Variants in TENM3 observed in about 807,000 individuals in gnomAD.
TENM3 encodes teneurin transmembrane protein 3, also known as teneurin-3.
A neutral mutation model predicts 255.1 loss-of-function variants in TENM3; 63 were observed. The observed-to-expected ratio is 0.25, with a 90% confidence interval of 0.20 to 0.30. TENM3 has a LOEUF of 0.30. Among genes scored for constraint, TENM3 ranks in the 10% least tolerant of loss-of-function variants. The pLI is 1.00. For missense variants in TENM3, 2,929 were observed against 3,461.1 expected, an observed-to-expected ratio of 0.85 and a Z score of 3.86; for synonymous variants, 1,306 against 1,322.3, an observed-to-expected ratio of 0.99 and a Z score of 0.27.
the TENM3 span, among the ~76,000 whole-genome samples, chr4:181,507,976 T>A: frequency 2.0e-5 from 3 of 152,178 alleles, no homozygotes; most frequent in Non-Finnish European, 4.4e-5. Flanking sequence ...AAGAAATAGA[T>A]CTTTCTGAAG....
In TENM3 at chr4:182,682,033, G is replaced by A. The variant is rs748620540; in HGVS notation, c.2035+19G>A. ...TCAAACGGTGAGGTTAATAAATGCA[G>A]TACAATCGAGTTGCTTAATACTGTT... On this transcript the variant is annotated intron_variant, in intron 11 of 27. Coordinates refer to ENST00000511685, the MANE Select transcript of TENM3 (RefSeq NM_001080477.4). 1 of 1,602,858 alleles carries A rather than the reference G, an allele frequency of 6.2e-7. No individual in the cohort carries two copies. Among genetic ancestry groups the A allele is most frequent in the Non-Finnish European group, 8.5e-7 (1 of 1,170,620 alleles).
chr4:182,419,005 A>G (rs1770595186), intron 3 of TENM3, among the ~76,000 whole-genome samples: 1 of 152,202 alleles, frequency 6.6e-6, no homozygotes, highest in African/African-American at 2.4e-5. Flanking sequence ...AGAAGATGAT[A>G]AAAATGGTTT....
At chr4:181,627,334 ATTTCT>A in the TENM3 span, among the ~76,000 whole-genome samples, 6 of 152,020 alleles carry the variant, frequency 3.9e-5, no homozygotes, top group East Asian at 9.6e-4. Context: ...GTGTGCACAC[ATTTCT>A]TTTTATTTTT....
At chr4:182,077,989 CA>C in the TENM3 span, among the ~76,000 whole-genome samples, 2 of 152,068 alleles carry the variant, frequency 1.3e-5, no homozygotes, top group Admixed American at 6.6e-5. Flanking sequence ...TTACAACAAG[CA>C]AAAACTGGTA....
At chr4:182,574,089 A>AT (rs1744683220) in intron 3 of TENM3, among the ~76,000 whole-genome samples, 2 of 152,144 alleles carry the variant, frequency 1.3e-5, no homozygotes, top group Admixed American at 6.5e-5. Flanking sequence ...TGCCTTCTCC[A>AT]TTCATGACTC....
the TENM3 span, among the ~76,000 whole-genome samples, chr4:182,115,641 T>C: frequency 6.6e-6 from 1 of 152,312 alleles, no homozygotes; most frequent in South Asian, 2.1e-4. Context: ...GTTTTCCATG[T>C]AAAAATTTTC....
chr4:181,830,592 C>T, the TENM3 span, among the ~76,000 whole-genome samples: 2 of 152,210 alleles, frequency 1.3e-5, no homozygotes, highest in South Asian at 4.2e-4. Context: ...TTCTTCTGCT[C>T]GGTCTCTCTA....
chr4:182,254,373 G>A, intron 1 of TENM3, among the ~76,000 whole-genome samples: 1 of 149,904 alleles, frequency 6.7e-6, no homozygotes. Flanking sequence ...AAACATGATA[G>A]AAAAGAAATT....
intron 8 of TENM3, 151 bp from the exon 9 acceptor site, chr4:182,680,097 C>T (rs1322921942): frequency 2.7e-6 from 2 of 731,670 alleles, no homozygotes; most frequent in Non-Finnish European, 4.6e-6. Flanking sequence ...GAGAATATGT[C>T]ATGAAACACT....
At chr4:182,028,838 T>C in the TENM3 span, among the ~76,000 whole-genome samples, 1 of 151,806 alleles carries the variant, frequency 6.6e-6, no homozygotes, top group African/African-American at 2.4e-5. Context: ...TTTTAAATAT[T>C]TTAAGACTTG....
At chr4:181,780,087 C>T in the TENM3 span, among the ~76,000 whole-genome samples, 348 of 152,298 alleles carry the variant, frequency 2.3e-3, no homozygotes, top group Non-Finnish European at 4.0e-3. Flanking sequence ...AATAGTGCTG[C>T]AATGAACATA....
chr4:182,124,957 G>A, the TENM3 span, among the ~76,000 whole-genome samples: 80 of 141,738 alleles, frequency 5.6e-4, 1 homozygote, highest in African/African-American at 2.1e-3. Context: ...CTGCTGGGAT[G>A]GTGAATCTTC....
At chr4:181,605,584 GGAAAGAAAGAAA>G in the TENM3 span, among the ~76,000 whole-genome samples, 23 of 69,194 alleles carry the variant, frequency 3.3e-4, 2 homozygotes, top group East Asian at 8.0e-4. Flanking sequence ...GAGAAAGAAA[GGAAAGAAAGAAA>G]GAAAGAAAGA....
chr4:181,738,921 CCT>C, the TENM3 span, among the ~76,000 whole-genome samples: 1,971 of 152,106 alleles, frequency 0.013, 29 homozygotes, highest in Middle Eastern at 0.082. Flanking sequence ...AGGAGAACAG[CCT>C]CTCTCAAGCA....
At chr4:182,553,106 A>G (rs1742220083) in intron 3 of TENM3, among the ~76,000 whole-genome samples, 1 of 151,972 alleles carries the variant, frequency 6.6e-6, no homozygotes, top group South Asian at 2.1e-4. Context: ...ACTTTTTTAG[A>G]CAGGGTCTCA....
chr4:182,707,433 G>A (rs6841510), intron 12 of TENM3, among the ~76,000 whole-genome samples: 40,151 of 151,934 alleles, frequency 0.26, 5,921 homozygotes, highest in Non-Finnish European at 0.34. Context: ...ATCACTAAGG[G>A]GTGCAGAAAA....
the TENM3 span, among the ~76,000 whole-genome samples, chr4:182,090,919 A>G: frequency 6.6e-6 from 1 of 152,308 alleles, no homozygotes; most frequent in Non-Finnish European, 1.5e-5. Context: ...TGATCTTCTA[A>G]TCCCTCTGTC....
chr4:182,160,943 TA>T (rs993505830), intron 1 of TENM3, among the ~76,000 whole-genome samples: 16 of 152,164 alleles, frequency 1.1e-4, no homozygotes, highest in Non-Finnish European at 2.1e-4. Flanking sequence ...ACCCCATAGA[TA>T]TATACACTTG....
chr4:181,482,527 A>T, the TENM3 span, among the ~76,000 whole-genome samples: 5 of 152,138 alleles, frequency 3.3e-5, no homozygotes, highest in African/African-American at 1.2e-4. Flanking sequence ...GATATGTATG[A>T]TTCTTCCAAA....
Sources: gnomAD v4.1 joint callset for allele counts (sites outside exome capture counted in the v4.1 genomes callset) on GRCh38, gnomAD v4.1.1 for gene constraint, MANE v1.5 for transcripts, NCBI Gene and HGNC (gene_info 2026-07-23, HGNC 2026-07-21) for gene names.